Variants in PPP2R1A observed in about 807,000 individuals in gnomAD.
PPP2R1A encodes protein phosphatase 2 scaffold subunit Aalpha.
PPP2R1A carries 15 observed loss-of-function variants against 67.1 expected under a neutral mutation model. The observed-to-expected ratio is 0.22, with a 90% CI of 0.15 to 0.34. The LOEUF is 0.34. Ranked by LOEUF, PPP2R1A falls within the 10% of genes least tolerant of loss-of-function variation. The probability of loss-of-function intolerance (pLI) is 1.00; values close to 1 mark genes in which losing one functional copy is unlikely to be tolerated. For missense variants in PPP2R1A, 369 were observed against 775.0 expected (o/e 0.48, Z 6.22); for synonymous variants, 337 against 325.0 (o/e 1.04, Z -0.40).
chr19:52,206,953 CT>C (rs2089609888), intron 3 of PPP2R1A, among the ~76,000 whole-genome samples: 1 of 151,974 alleles, frequency 6.6e-6, no homozygotes, highest in Non-Finnish European at 1.5e-5. Context: ...TAGCAGCAGC[CT>C]TTCTCCTAGC....
chr19:52,207,409 T>C (rs1359427694), intron 3 of PPP2R1A, among the ~76,000 whole-genome samples: 1 of 152,142 alleles, frequency 6.6e-6, no homozygotes, highest in Non-Finnish European at 1.5e-5. Flanking sequence ...GCAACTGAGG[T>C]TGGGACTCAG....
At chr19:52,221,508 G>A (rs1978926537) in intron 12 of PPP2R1A, among the ~76,000 whole-genome samples, 1 of 152,116 alleles carries the variant, frequency 6.6e-6, no homozygotes, top group South Asian at 2.1e-4. Flanking sequence ...TTCTGGTACT[G>A]CCATATATTA....
In PPP2R1A at chr19:52,215,675, G is replaced by A. The variant is rs140505297; in HGVS notation, c.808-104G>A. 7.2e-4 allele frequency: 659 copies of A among 916,906 alleles called. 7 individuals carry two copies. The highest frequency in any genetic ancestry group is 7.0e-3 in the African/African-American group (430 of 61,130). 56.8% of individuals were successfully genotyped at this position (916,906 alleles called of 1,614,324 possible). A position where few individuals can be genotyped will look rare whatever the true frequency, so the allele number is the denominator to read the frequency against. ...TTTTAGCACTGCTTCCAAGGCCCAC[G>A]CTCTGTCCCCTAATTCTGGTGCCTT... On this transcript the variant is annotated intron_variant, in intron 6 of 14. Transcript: ENST00000322088.
intron 10 of PPP2R1A, 29 bp from the exon 11 acceptor site, chr19:52,220,160 T>G: frequency 6.2e-7 from 1 of 1,611,124 alleles, no homozygotes; most frequent in Non-Finnish European, 8.5e-7. Flanking sequence ...CTGGAACGCT[T>G]ACCTTGGAAC....
chr19:52,190,287 C>A, intron 1 of PPP2R1A, 113 bp downstream of exon 1: 1 of 1,228,140 alleles, frequency 8.1e-7, no homozygotes, highest in Non-Finnish European at 1.1e-6. Flanking sequence ...GGGCGACGGC[C>A]AATCAGCGTG....
At chr19:52,190,612 T>C (rs927480699) in intron 1 of PPP2R1A, among the ~76,000 whole-genome samples, 7 of 152,202 alleles carry the variant, frequency 4.6e-5, no homozygotes, top group Admixed American at 6.5e-5. Flanking sequence ...TTTCTGGGTT[T>C]CGACTGCTGG....
At chr19:52,192,594 G>T (rs1343662757) in intron 1 of PPP2R1A, among the ~76,000 whole-genome samples, 1 of 152,094 alleles carries the variant, frequency 6.6e-6, no homozygotes, top group African/African-American at 2.4e-5. Context: ...AATTACAGGC[G>T]TGAGCCACTA....
chr19:52,220,334 A>AG, intron 11 of PPP2R1A, 85 bp downstream of exon 11: 2 of 1,427,462 alleles, frequency 1.4e-6, no homozygotes, highest in Non-Finnish European at 2.0e-6. Flanking sequence ...CGGGCAGTGG[A>AG]GGAGGCTAGA....
rs1251267748 is a variant in PPP2R1A at position 52,212,934 on chromosome 19, C to A, written c.652-21C>A. On this transcript the variant is annotated intron_variant, in intron 5 of 14. Transcript: ENST00000322088. This position sits in a 1 kb window ranked among gnomAD's most constrained non-coding sequence, Gnocchi z 4.1. Reference sequence around the variant, plus strand: ...CAGCAAGGCCTCTGCTGCCCTCCCACTGTTCCTCTCCTCTCCCTAGGACTC... The same window carrying A: ...CAGCAAGGCCTCTGCTGCCCTCCCAATGTTCCTCTCCTCTCCCTAGGACTC... The A allele has an allele frequency of 6.3e-7, 1 of 1,574,952 alleles. No individual in the cohort carries two copies. Among genetic ancestry groups the A allele is most frequent in the African/African-American group, 1.4e-5 (1 of 73,922 alleles).
At chr19:52,224,228 T>C (rs1045862292) in intron 13 of PPP2R1A, among the ~76,000 whole-genome samples, 1 of 152,228 alleles carries the variant, frequency 6.6e-6, no homozygotes, top group African/African-American at 2.4e-5. Context: ...GACCCACAAC[T>C]GCAGATTTCT....
In PPP2R1A at chr19:52,212,827, C is replaced by G. The variant is rs150469675; in HGVS notation, c.645C>G (p.Asp215Glu). ...IIPMFSNLAS[D>E]EQDSVRLLAV... ...CCATGTTCTCCAACCTGGCCTCTGA[C>G]GAGCAGGTGAGTTTTGCTTCCTGGC... is the stretch of plus-strand genomic sequence containing the variant. The change falls in exon 5 of 15, where the codon GAC becomes GAG. Residue 215 changes from aspartate (D) to glutamate (E), a missense_variant. By Grantham distance (45) the Asp-to-Glu change is conservative. This residue lies in a region of PPP2R1A where 276 missense variants were observed against 508.4 expected (regional missense o/e 0.54). Coordinates refer to ENST00000322088, the MANE Select transcript of PPP2R1A (RefSeq NM_014225.6). The surrounding 1 kb of genome is among the most constrained non-coding windows in gnomAD (Gnocchi z 4.1). 6.3e-7 allele frequency: 1 copy of G among 1,599,478 alleles called. No individual in the cohort carries two copies. Among genetic ancestry groups the G allele is most frequent in the Non-Finnish European group, 8.5e-7 (1 of 1,171,198 alleles).
In PPP2R1A at chr19:52,213,103, T is replaced by A. The variant is rs2122339125; in HGVS notation, c.800T>A (p.Phe267Tyr). Residue 267 changes from phenylalanine (F) to tyrosine (Y), a missense_variant, in exon 6 of 15, where the codon TTC becomes TAC. Physicochemically the swap from Phe to Tyr is conservative, Grantham distance 22. This residue lies in a region of PPP2R1A where 276 missense variants were observed against 508.4 expected (regional missense o/e 0.54). Coordinates refer to ENST00000322088, the MANE Select transcript of PPP2R1A (RefSeq NM_014225.6). This position sits in a 1 kb window ranked among gnomAD's most constrained non-coding sequence, Gnocchi z 4.2. ...GTCCGCTACATGGTGGCTGACAAGTTCACAGAGGTAGATGAGCGACCGTTG... is the reference window on the plus strand; with the variant it reads ...GTCCGCTACATGGTGGCTGACAAGTACACAGAGGTAGATGAGCGACCGTTG... The part of the protein sequence containing the change: ...WRVRYMVADK[F>Y]TELQKAVGPE... The A allele has an allele frequency of 1.9e-6, 3 of 1,571,024 alleles. No homozygotes were observed. Among genetic ancestry groups the A allele is most frequent in the Non-Finnish European group, 2.6e-6 (3 of 1,164,042 alleles).
At chr19:52,190,886 CTG>C (rs1187779289) in intron 1 of PPP2R1A, among the ~76,000 whole-genome samples, 4 of 152,188 alleles carry the variant, frequency 2.6e-5, no homozygotes, top group Non-Finnish European at 5.9e-5. Context: ...GAGACAGTCT[CTG>C]TGTCGCCCAG....
chr19:52,193,765 TCACCATGTTGG>T (rs2089474553), intron 1 of PPP2R1A, among the ~76,000 whole-genome samples: 1 of 151,894 alleles, frequency 6.6e-6, no homozygotes, highest in African/African-American at 2.4e-5. Flanking sequence ...AGAGTGGGTT[TCACCATGTTGG>T]CCAGGCTGGT....
chr19:52,215,173 A>G (rs1485397988), intron 6 of PPP2R1A, among the ~76,000 whole-genome samples: 1 of 152,016 alleles, frequency 6.6e-6, no homozygotes, highest in Non-Finnish European at 1.5e-5. Context: ...CTCCCACTTC[A>G]GCCTTCTGAG....
At position 52,190,191 on chromosome 19, in the gene PPP2R1A, G is replaced by A. The variant is rs1180555770; in HGVS notation, c.78+17G>A. On this transcript the variant is annotated intron_variant, in intron 1 of 14. Coordinates refer to ENST00000322088, the MANE Select transcript of PPP2R1A (RefSeq NM_014225.6). ...GACGTTCAGGTCCGGAGGCTACGGG[G>A]GACTTGGGGAAGACGCGGAGGGGTA... is the stretch of plus-strand genomic sequence containing the variant. The A allele has an allele frequency of 6.5e-7, 1 of 1,549,662 alleles. No individual in the cohort carries two copies. Among genetic ancestry groups the A allele is most frequent in the African/African-American group, 1.4e-5 (1 of 72,874 alleles).
rs1389131209 is a variant in PPP2R1A at position 52,213,172 on chromosome 19, G to A, written c.807+62G>A. ...GGACACTGACACTCTCAGAAGGGAA[G>A]CATATAGGAGCTGAGGTTTCCATTA... On this transcript the variant is annotated intron_variant, in intron 6 of 14. Transcript: ENST00000322088. This position sits in a 1 kb window ranked among gnomAD's most constrained non-coding sequence, Gnocchi z 4.2. 2 of 1,487,140 alleles carry A rather than the reference G, an allele frequency of 1.3e-6. No homozygotes were observed. Among genetic ancestry groups the A allele is most frequent in the Non-Finnish European group, 8.9e-7 (1 of 1,125,674 alleles). 92.1% of individuals were successfully genotyped at this position (1,487,140 alleles called of 1,614,324 possible). A position where few individuals can be genotyped will look rare whatever the true frequency, so the allele number is the denominator to read the frequency against.
rs888457337 is a variant in PPP2R1A, at chr19:52,212,325, T to C, written c.504-361T>C. Among the ~76,000 whole-genome samples the C allele has an allele frequency of 6.6e-6, 1 of 152,216 alleles. No homozygotes were observed. The highest frequency in any genetic ancestry group is 1.5e-5 in the Non-Finnish European group (1 of 68,044). On this transcript the variant is annotated intron_variant, in intron 4 of 14. Coordinates refer to ENST00000322088, the MANE Select transcript of PPP2R1A (RefSeq NM_014225.6). The surrounding 1 kb of genome is among the most constrained non-coding windows in gnomAD (Gnocchi z 4.1). ...GTCTTGAACTCCTGGGCTCAAGCAA[T>C]CCTCCTGCCTTGGTCTTCCAAAGTG... is the stretch of plus-strand genomic sequence containing the variant.
chr19:52,204,761 T>G (rs2089585534), intron 2 of PPP2R1A, among the ~76,000 whole-genome samples: 1 of 152,174 alleles, frequency 6.6e-6, no homozygotes, highest in South Asian at 2.1e-4. Context: ...TTGGCGAGAA[T>G]TTATTTATTG....
Sources: gnomAD v4.1 joint callset for allele counts (sites outside exome capture counted in the v4.1 genomes callset) on GRCh38, gnomAD v4.1.1 for gene constraint, gnomAD v4.1.1 regional missense constraint, Gnocchi (gnomAD v3.1) non-coding constraint, MANE v1.5 for transcripts, NCBI Gene and HGNC (gene_info 2026-07-23, HGNC 2026-07-21) for gene names.